DSCAM: variants seen among roughly 807,000 people sequenced by gnomAD.
DSCAM encodes DS cell adhesion molecule.
Under a neutral mutation model 217.7 loss-of-function variants are expected in DSCAM, and 47 were observed. That is an observed-to-expected ratio of 0.22 (90% CI 0.17 to 0.28). The LOEUF is 0.28. Ranked by LOEUF, DSCAM falls within the 10% of genes least tolerant of loss-of-function variation. The pLI is 1.00. For synonymous variants in DSCAM, 1,056 were observed against 1,015.3 expected (o/e 1.04, Z -0.76); for missense variants, 2,080 against 2,618.3 (o/e 0.79, Z 4.49).
chr21:40,153,975 T>C (rs1400515465), intron 16 of DSCAM, among the ~76,000 whole-genome samples: 1 of 152,176 alleles, frequency 6.6e-6, no homozygotes, highest in African/African-American at 2.4e-5. Flanking sequence ...TTCCTGGTCT[T>C]GGGAGTAATT....
At chr21:40,602,091 C>T (rs1334508652) in intron 3 of DSCAM, among the ~76,000 whole-genome samples, 1 of 122,444 alleles carries the variant, frequency 8.2e-6, no homozygotes, top group East Asian at 2.7e-4. Context: ...GATTGGGTCT[C>T]ACTCTGTCAC....
intron 27 of DSCAM, among the ~76,000 whole-genome samples, chr21:40,071,684 A>C (rs890617876): frequency 6.6e-6 from 1 of 152,226 alleles, no homozygotes; most frequent in African/African-American, 2.4e-5. Context: ...TGTTACTAGA[A>C]ATGTTGTCCT....
chr21:40,106,630 T>G lies in DSCAM; in HGVS notation c.3697-12756A>C, dbSNP rs562883748. 2.4e-4 allele frequency among the ~76,000 whole-genome samples: 36 copies of G among 152,308 alleles called. No homozygotes were observed. In the South Asian group the frequency reaches 7.5e-3, roughly 32 times the overall value. On this transcript the variant is annotated intron_variant, in intron 20 of 32. Transcript: ENST00000400454. ...TTTTTTCATTTGGTAGGCTACTTAT[T>G]CCTGCCTCAACTTCAGAACTCATTA...
At chr21:40,080,002 T>C (rs1213005917) in intron 25 of DSCAM, 150 bp downstream of exon 25, 1 of 668,954 alleles carries the variant, frequency 1.5e-6, no homozygotes, top group Non-Finnish European at 2.5e-6. Flanking sequence ...GCTGTCCCTC[T>C]CATTATGCCG....
intron 10 of DSCAM, among the ~76,000 whole-genome samples, chr21:40,291,019 CA>C (rs2073885226): frequency 6.6e-6 from 1 of 152,198 alleles, no homozygotes; most frequent in Non-Finnish European, 1.5e-5. Context: ...GCTGTATCTG[CA>C]TAGAGAGGAG....
intron 3 of DSCAM, among the ~76,000 whole-genome samples, chr21:40,420,209 A>G (rs1055907222): frequency 1.3e-5 from 2 of 148,972 alleles, no homozygotes; most frequent in Admixed American, 6.9e-5. Context: ...GAAATTATAT[A>G]TAAACAATGC....
intron 4 of DSCAM, among the ~76,000 whole-genome samples, chr21:40,367,313 GT>G (rs2074843687): frequency 6.6e-6 from 1 of 152,124 alleles, no homozygotes; most frequent in African/African-American, 2.4e-5. Flanking sequence ...TCTGCTGCTG[GT>G]CCTGTTGTTG....
chr21:40,050,055 T>C (rs1013611449), intron 30 of DSCAM, among the ~76,000 whole-genome samples: 7 of 152,224 alleles, frequency 4.6e-5, no homozygotes, highest in African/African-American at 1.7e-4. Flanking sequence ...CTGCGTTACA[T>C]GCAGGAAACA....
chr21:40,257,005 T>C (rs1039660810), intron 11 of DSCAM, among the ~76,000 whole-genome samples: 2 of 152,236 alleles, frequency 1.3e-5, no homozygotes, highest in African/African-American at 2.4e-5. Context: ...TTCATGCCTC[T>C]CCTTAATGTC....
intron 3 of DSCAM, among the ~76,000 whole-genome samples, chr21:40,530,607 A>G (rs2076435858): frequency 6.6e-6 from 1 of 152,178 alleles, no homozygotes; most frequent in East Asian, 1.9e-4. Flanking sequence ...AAATGCTCTA[A>G]GAAAATATTT....
At chr21:40,736,616 G>A (rs1374202928) in intron 1 of DSCAM, among the ~76,000 whole-genome samples, 2 of 152,050 alleles carry the variant, frequency 1.3e-5, no homozygotes, top group Non-Finnish European at 2.9e-5. Flanking sequence ...GGTATCTAGG[G>A]CCTCCAACCA....
chr21:40,053,539 G>A (rs1055705377), intron 29 of DSCAM, among the ~76,000 whole-genome samples: 2 of 152,202 alleles, frequency 1.3e-5, no homozygotes, highest in African/African-American at 2.4e-5. Flanking sequence ...AATTTTGGGC[G>A]CCTGTCTGAT....
At chr21:40,258,758 C>G (rs2073408137) in intron 11 of DSCAM, among the ~76,000 whole-genome samples, 1 of 152,254 alleles carries the variant, frequency 6.6e-6, no homozygotes, top group East Asian at 1.9e-4. Context: ...CAGCATTCCA[C>G]AAGTTACTTC....
chr21:40,836,755 C>CCAAGGCTACAGAATCAG (rs2092060194), intron 1 of DSCAM, among the ~76,000 whole-genome samples: 1 of 152,130 alleles, frequency 6.6e-6, no homozygotes, highest in Non-Finnish European at 1.5e-5. Context: ...CGTGCATACA[C>CCAAGGCTACAGAATCAG]CAAGGCTACA....
Position 40,189,157 on chromosome 21 carries a change from C to T in DSCAM, c.2438G>A (p.Gly813Asp). 6.2e-7 allele frequency: 1 copy of T among 1,614,134 alleles called. No individual in the cohort carries two copies. Among genetic ancestry groups the T allele is most frequent in the Non-Finnish European group, 8.5e-7 (1 of 1,180,020 alleles). ...CCAGCGGACTATAATGGGCTTCTCA[C>T]CATGCGCCGTGCAGCTCATCTCCTT... ...QKKEMSCTAH[G>D]EKPIIVRWEK... Residue 813 changes from glycine (G) to aspartate (D), a missense_variant, in exon 12 of 33, where the codon GGT becomes GAT. Coordinates refer to ENST00000400454, the MANE Select transcript of DSCAM (RefSeq NM_001389.5).
At chr21:40,329,040 G>T (rs2074347662) in intron 8 of DSCAM, among the ~76,000 whole-genome samples, 1 of 152,186 alleles carries the variant, frequency 6.6e-6, no homozygotes, top group Non-Finnish European at 1.5e-5. Flanking sequence ...GTGGAGAAAA[G>T]AGAAGCTTTG....
At chr21:40,774,453 CAT>C (rs1391722527) in intron 1 of DSCAM, among the ~76,000 whole-genome samples, 1 of 152,360 alleles carries the variant, frequency 6.6e-6, no homozygotes, top group South Asian at 2.1e-4. Context: ...GAAAGGTACA[CAT>C]GAGTGACAGT....
intron 1 of DSCAM, among the ~76,000 whole-genome samples, chr21:40,731,721 C>T (rs1158239959): frequency 6.9e-6 from 1 of 145,484 alleles, no homozygotes; most frequent in Non-Finnish European, 1.5e-5. Flanking sequence ...TACCTCCTTC[C>T]CACTGCACCC....
At position 40,401,890 on chromosome 21, in the gene DSCAM, G is replaced by A. The variant is rs371932961; in HGVS notation, c.509-32645C>T. ...AGCTCTCCTTCCTCTTTCTCCAGAA[G>A]TCGGCCCAGCCTTGCTAGCTATATT... On this transcript the variant is annotated intron_variant, in intron 3 of 32. Transcript: ENST00000400454. Among the ~76,000 whole-genome samples, 5 of 152,060 alleles carry A rather than the reference G, an allele frequency of 3.3e-5. No homozygotes were observed. In the South Asian group the frequency reaches 1.0e-3, roughly 32 times the overall value.
Sources: gnomAD v4.1 joint callset for allele counts (sites outside exome capture counted in the v4.1 genomes callset) on GRCh38, gnomAD v4.1.1 for gene constraint, MANE v1.5 for transcripts, NCBI Gene and HGNC (gene_info 2026-07-23, HGNC 2026-07-21) for gene names.